SGCZ: variants seen among roughly 807,000 people sequenced by gnomAD.
The protein encoded by SGCZ is sarcoglycan zeta.
In SGCZ, 40 loss-of-function variants were observed where a neutral mutation model predicts 41.3. The ratio of observed to expected loss-of-function variants is 0.97; its 90% confidence interval spans 0.75 to 1.26. The LOEUF (loss-of-function observed/expected upper bound fraction) is 1.26, where lower values mean the gene tolerates loss of function less well. Ranked by LOEUF, SGCZ falls within the 50% of genes most tolerant of loss-of-function variation. The probability of loss-of-function intolerance (pLI) is 0.00; values close to 1 mark genes in which losing one functional copy is unlikely to be tolerated. For missense variants in SGCZ, 552 were observed against 369.8 expected (o/e 1.49, Z -4.04); for synonymous variants, 206 against 137.5 (o/e 1.50, Z -3.49).
intron 4 of SGCZ, among the ~76,000 whole-genome samples, chr8:14,178,129 G>A (rs1804611157): frequency 6.6e-6 from 1 of 150,738 alleles, no homozygotes; most frequent in Admixed American, 6.6e-5. Flanking sequence ...GGCTAATTGT[G>A]TTTTTGTGGA....
intron 1 of SGCZ, among the ~76,000 whole-genome samples, chr8:15,053,573 A>T (rs1047191979): frequency 2.0e-5 from 3 of 152,162 alleles, no homozygotes; most frequent in Admixed American, 6.5e-5. Flanking sequence ...TTAGGTGAAA[A>T]ACGATATATC....
intron 5 of SGCZ, among the ~76,000 whole-genome samples, chr8:14,147,122 C>T (rs779889957): frequency 6.6e-6 from 1 of 151,552 alleles, no homozygotes; most frequent in Non-Finnish European, 1.5e-5. Context: ...AATAGATACA[C>T]AAAAACTAAA....
intron 1 of SGCZ, among the ~76,000 whole-genome samples, chr8:14,619,004 C>T (rs1411961840): frequency 1.3e-5 from 2 of 152,104 alleles, no homozygotes; most frequent in African/African-American, 2.4e-5. Flanking sequence ...CAAGTGAACA[C>T]ATGAACCTGG....
chr8:14,611,147 T>A (rs1373827802), intron 1 of SGCZ, among the ~76,000 whole-genome samples: 1 of 152,194 alleles, frequency 6.6e-6, no homozygotes, highest in Non-Finnish European at 1.5e-5. Flanking sequence ...TATGAATATA[T>A]TTCTCATTTT....
At chr8:14,485,471 C>T (rs1443560062) in intron 2 of SGCZ, among the ~76,000 whole-genome samples, 1 of 152,086 alleles carries the variant, frequency 6.6e-6, no homozygotes, top group Non-Finnish European at 1.5e-5. Flanking sequence ...CTCCTAACCT[C>T]GTCATCTGCC....
intron 1 of SGCZ, among the ~76,000 whole-genome samples, chr8:14,689,452 G>A (rs1808727685): frequency 6.6e-6 from 1 of 152,014 alleles, no homozygotes; most frequent in Non-Finnish European, 1.5e-5. Flanking sequence ...TTACATACTT[G>A]CTCCATAAGG....
In SGCZ at chr8:14,622,532, TGAAA is replaced by T. The variant is rs149170669; in HGVS notation, c.40-67610_40-67607del. On this transcript the variant is annotated intron_variant, in intron 1 of 7. Coordinates refer to ENST00000382080, the MANE Select transcript of SGCZ (RefSeq NM_139167.4). ...CAAAAAACAAGAACTAGATGTCACC[TGAAA>T]GAGTGTTGCTGTTTATGATTTTTCA... is the stretch of plus-strand genomic sequence containing the variant. Among the ~76,000 whole-genome samples the T allele has an allele frequency of 4.8e-3, 730 of 152,352 alleles. 3 individuals carry two copies. The highest frequency in any genetic ancestry group is 0.016 in the African/African-American group (683 of 41,596).
intron 2 of SGCZ, among the ~76,000 whole-genome samples, chr8:14,496,780 A>G (rs1318021304): frequency 2.6e-5 from 4 of 152,220 alleles, no homozygotes; most frequent in Admixed American, 2.6e-4. Context: ...TTACTCTTAA[A>G]GAATTCTTAC....
At chr8:14,542,160 C>T (rs567290651) in intron 2 of SGCZ, among the ~76,000 whole-genome samples, 3 of 151,942 alleles carry the variant, frequency 2.0e-5, no homozygotes, top group Admixed American at 6.6e-5. Context: ...TCAATTTTGG[C>T]TTTTGTTATT....
chr8:15,228,466 C>T (rs942672903), intron 1 of SGCZ, among the ~76,000 whole-genome samples: 3 of 152,176 alleles, frequency 2.0e-5, no homozygotes, highest in Admixed American at 6.5e-5. Flanking sequence ...AAGTAACTGT[C>T]TCTGCTGCCT....
At position 14,164,685 on chromosome 8, in the gene SGCZ, C is replaced by G. The variant is rs778712351; in HGVS notation, c.442G>C (p.Ala148Pro). The change falls in exon 5 of 8, where the codon GCT becomes CCT. Residue 148 changes from alanine (A) to proline (P), a missense_variant. Ala to Pro is a conservative substitution (Grantham distance 27, BLOSUM62 -1). Coordinates refer to ENST00000382080, the MANE Select transcript of SGCZ (RefSeq NM_139167.4). ...CTCACTTCAAATCTTTTACACTGAG[C>G]TTCCACAGCATCAGCTCCTATGGTC... The part of the protein sequence containing the change: ...QLTIGADAVE[A>P]QCKRFEVRAS... The G allele has an allele frequency of 1.2e-6, 2 of 1,613,400 alleles. No individual in the cohort carries two copies.
intron 1 of SGCZ, among the ~76,000 whole-genome samples, chr8:14,673,350 T>G (rs1585171794): frequency 1.3e-5 from 2 of 152,196 alleles, no homozygotes; most frequent in East Asian, 3.9e-4. Context: ...ATTCTCATGA[T>G]AATGAGGGAG....
In SGCZ at chr8:14,764,917, G is replaced by C. The variant is rs148575643; in HGVS notation, c.40-209991C>G. On this transcript the variant is annotated intron_variant, in intron 1 of 7. Transcript: ENST00000382080. ...GTTTACATCTTACTTTTAAATGGTT[G>C]AACAACAGCAAATGAGTCCAAATGT... Among the ~76,000 whole-genome samples, 667 of 152,246 alleles carry C rather than the reference G, an allele frequency of 4.4e-3. 8 individuals are homozygous for C. The highest frequency in any genetic ancestry group is 0.015 in the African/African-American group (633 of 41,552).
chr8:14,610,815 C>A (rs1223524158), intron 1 of SGCZ, among the ~76,000 whole-genome samples: 1 of 152,144 alleles, frequency 6.6e-6, no homozygotes, highest in African/African-American at 2.4e-5. Flanking sequence ...CACACAGATA[C>A]TTCATCTTCA....
At chr8:14,893,127 C>A (rs937890007) in intron 1 of SGCZ, among the ~76,000 whole-genome samples, 3 of 152,114 alleles carry the variant, frequency 2.0e-5, no homozygotes, top group Admixed American at 6.6e-5. Context: ...TCCTGGCAGG[C>A]CCCATCCAAT....
At chr8:15,206,706 C>T (rs1324650705) in intron 1 of SGCZ, among the ~76,000 whole-genome samples, 3 of 152,222 alleles carry the variant, frequency 2.0e-5, no homozygotes, top group African/African-American at 7.2e-5. Flanking sequence ...CTCGGCCTCC[C>T]AAAGTGCTGA....
At chr8:14,545,506 T>C (rs1398289099) in intron 2 of SGCZ, among the ~76,000 whole-genome samples, 1 of 152,142 alleles carries the variant, frequency 6.6e-6, no homozygotes, top group Admixed American at 6.5e-5. Flanking sequence ...TTTTTCTAAA[T>C]GTCCTACTAA....
intron 2 of SGCZ, among the ~76,000 whole-genome samples, chr8:14,397,304 A>T (rs1798946828): frequency 1.3e-5 from 2 of 152,154 alleles, no homozygotes; most frequent in South Asian, 4.1e-4. Context: ...ATGTAAAAAC[A>T]AGCACGAAAA....
intron 5 of SGCZ, among the ~76,000 whole-genome samples, chr8:14,146,342 A>G (rs965243390): frequency 6.6e-6 from 1 of 152,190 alleles, no homozygotes; most frequent in African/African-American, 2.4e-5. Context: ...TTTAGCAGAA[A>G]TATCTTTTGA....
Sources: allele counts gnomAD v4.1 joint callset (sites outside exome capture counted in the v4.1 genomes callset), GRCh38; gene constraint gnomAD v4.1.1; transcripts MANE v1.5; gene names NCBI Gene and HGNC (gene_info 2026-07-23, HGNC 2026-07-21).